The following MKRN1 variants were observed in gnomAD, a reference collection of about 807,000 sequenced individuals.
MKRN1 encodes E3 ubiquitin-protein ligase makorin-1.
In MKRN1, 9 loss-of-function variants were observed where a neutral mutation model predicts 55.5. The ratio of observed to expected loss-of-function variants is 0.16; its 90% CI spans 0.10 to 0.28. The LOEUF (loss-of-function observed/expected upper bound fraction) is 0.28, where lower values mean the gene tolerates loss of function less well. MKRN1 is among the 10% of genes least tolerant of loss of function. MKRN1 has a pLI of 1.00. For synonymous variants in MKRN1, 253 were observed against 235.9 expected (o/e 1.07, Z -0.66); for missense variants, 488 against 626.7 (o/e 0.78, Z 2.36).
chr7:140,476,607 C>G (rs914145692), intron 1 of MKRN1, among the ~76,000 whole-genome samples: 1 of 143,080 alleles, frequency 7.0e-6, no homozygotes, highest in Non-Finnish European at 1.5e-5. Flanking sequence ...GTGGGTAATT[C>G]TAGGTATATG....
rs150126646 is a variant in MKRN1, at chr7:140,479,467, G to T, written c.-123C>A. ...GGGAAGGACACTGAGGCACCCGTTC[G>T]GTCCCCGCCTGCTACGCGTCGCGTA... On this transcript the variant is annotated 5_prime_UTR_variant, in exon 1 of 8. Transcript: ENST00000255977. 1.1e-5 allele frequency: 11 copies of T among 1,018,586 alleles called. No homozygotes were observed. The highest frequency in any genetic ancestry group is 1.4e-5 in the Non-Finnish European group (11 of 790,854). 63.1% of individuals were successfully genotyped at this position (1,018,586 alleles called of 1,614,324 possible).
intron 2 of MKRN1, among the ~76,000 whole-genome samples, chr7:140,460,960 G>A (rs953165598): frequency 6.6e-6 from 1 of 152,190 alleles, no homozygotes; most frequent in Admixed American, 6.5e-5. Flanking sequence ...TGGCCTGTAG[G>A]CCCATACCCC....
At chr7:140,473,210 C>CA (rs534529617) in intron 1 of MKRN1, 81,068 of 360,062 alleles carry the variant, frequency 0.23, 4,345 homozygotes, top group African/African-American at 0.43. Context: ...ATGATACCAC[C>CA]AAAAAAAAAA....
At chr7:140,467,307 T>G (rs1317641167) in intron 2 of MKRN1, among the ~76,000 whole-genome samples, 1 of 151,208 alleles carries the variant, frequency 6.6e-6, no homozygotes, top group Non-Finnish European at 1.5e-5. Flanking sequence ...AGACGAAGTC[T>G]CACTCTTTGC....
At chr7:140,456,176 C>T in intron 5 of MKRN1, 1 of 1,193,396 alleles carries the variant, frequency 8.4e-7, no homozygotes, top group Non-Finnish European at 1.0e-6. Context: ...AGACATTTCA[C>T]ACAGACTCCT....
rs2130264903 is a variant in MKRN1 at position 140,459,815 on chromosome 7, T to G, written c.436A>C (p.Thr146Pro). The G allele has an allele frequency of 6.2e-7, 1 of 1,614,000 alleles. No individual in the cohort carries two copies. The highest frequency in any genetic ancestry group is 2.2e-5 in the East Asian group (1 of 44,894). ...SIVGPLVEMN[T>P]GEAESRNSNF... ...GAATTTCTTGACTCAGCTTCGCCTG[T>G]ATTCATTTCAACAAGTGGTCCAACT... Residue 146 changes from threonine (T) to proline (P), a missense_variant, in exon 3 of 8, where the codon ACA (threonine) becomes CCA (proline). Coordinates refer to ENST00000255977, the MANE Select transcript of MKRN1 (RefSeq NM_013446.4).
chr7:140,460,246 CAAAAAAAA>C (rs58698651), intron 2 of MKRN1: 20 of 77,256 alleles, frequency 2.6e-4, no homozygotes, highest in East Asian at 9.2e-4. Context: ...GACTCCGTCT[CAAAAAAAA>C]AAAAAAAAAA....
At chr7:140,472,271 C>G (rs1019035562) in intron 1 of MKRN1, 6 of 389,782 alleles carry the variant, frequency 1.5e-5, no homozygotes, top group Non-Finnish European at 2.9e-5. Flanking sequence ...CCCGTCTCTA[C>G]TAAAAATACA....
chr7:140,463,610 A>G (rs117152518), intron 2 of MKRN1, among the ~76,000 whole-genome samples: 5,010 of 151,972 alleles, frequency 0.033, 155 homozygotes, highest in East Asian at 0.14. Flanking sequence ...CCCAGGCTGG[A>G]CGCGGTGGCT....
chr7:140,456,393 AT>A (rs1401651254), intron 5 of MKRN1: 1 of 1,324,736 alleles, frequency 7.5e-7, no homozygotes, highest in Non-Finnish European at 9.7e-7. Flanking sequence ...CTGGCTAATA[AT>A]CCATTAAACA....
intron 2 of MKRN1, 77 bp from the exon 3 acceptor site, chr7:140,460,013 G>T: frequency 8.3e-7 from 1 of 1,210,770 alleles, no homozygotes. Flanking sequence ...TTGGGAAGCT[G>T]AGGTGGGTGG....
chr7:140,455,985 G>A (rs1176089297), intron 5 of MKRN1, 85 bp from the exon 6 acceptor site: 1 of 1,214,578 alleles, frequency 8.2e-7, no homozygotes, highest in Non-Finnish European at 1.2e-6. Context: ...GTCGCCTCCA[G>A]ACTTAAAGAC....
intron 1 of MKRN1, among the ~76,000 whole-genome samples, chr7:140,472,630 T>C (rs943138517): frequency 6.6e-6 from 1 of 150,818 alleles, no homozygotes; most frequent in Non-Finnish European, 1.5e-5. Context: ...CCTTGTGATC[T>C]GCCCACCTCG....
intron 1 of MKRN1, chr7:140,473,895 G>A (rs374008701): frequency 6.6e-6 from 1 of 151,358 alleles, no homozygotes; most frequent in East Asian, 2.0e-4. Flanking sequence ...TGGAGGCTGA[G>A]AGAGGAAAAT....
At chr7:140,475,643 G>A (rs1384469462) in intron 1 of MKRN1, among the ~76,000 whole-genome samples, 1 of 152,108 alleles carries the variant, frequency 6.6e-6, no homozygotes, top group Non-Finnish European at 1.5e-5. Flanking sequence ...CAGCCTAGGG[G>A]ACAGAGCGAG....
At chr7:140,471,376 C>CA (rs1211999908) in intron 2 of MKRN1, among the ~76,000 whole-genome samples, 1 of 151,796 alleles carries the variant, frequency 6.6e-6, no homozygotes, top group African/African-American at 2.4e-5. Flanking sequence ...GACCCTGTCT[C>CA]AAAAAAATAA....
At chr7:140,474,300 A>G (rs546120097) in intron 1 of MKRN1, 217 of 173,392 alleles carry the variant, frequency 1.3e-3, no homozygotes, top group Non-Finnish European at 2.1e-3. Context: ...GCTCAAGACC[A>G]TCCTGGCTAA....
chr7:140,473,282 A>G (rs767469268), intron 1 of MKRN1: 1 of 452,332 alleles, frequency 2.2e-6, no homozygotes, highest in African/African-American at 2.0e-5. Flanking sequence ...CCTGGGCCAT[A>G]TATTATTTCT....
At chr7:140,459,965 G>T (rs183792436) in intron 2 of MKRN1, 29 bp from the exon 3 acceptor site, 2 of 1,580,420 alleles carry the variant, frequency 1.3e-6, no homozygotes, top group Admixed American at 1.7e-5. Context: ...GTAAGCAGTC[G>T]GCCAGTCGTG....
Sources: gnomAD v4.1 joint callset for allele counts (sites outside exome capture counted in the v4.1 genomes callset) on GRCh38, gnomAD v4.1.1 for gene constraint, MANE v1.5 for transcripts, NCBI Gene and HGNC (gene_info 2026-07-23, HGNC 2026-07-21) for gene names.